Variants in TANC2 observed in about 807,000 individuals in gnomAD.
The protein encoded by TANC2 is tetratricopeptide repeat, ankyrin repeat and coiled-coil containing 2.
TANC2 carries 26 observed loss-of-function variants against 210.5 expected under a neutral mutation model. The ratio of observed to expected loss-of-function variants is 0.12; its 90% CI spans 0.09 to 0.17. TANC2 has a LOEUF of 0.17. Among genes scored for constraint, TANC2 ranks in the 10% least tolerant of loss-of-function variants. TANC2 has a pLI of 1.00. For missense variants in TANC2, 2,129 were observed against 2,608.9 expected (o/e 0.82, Z 4.01); for synonymous variants, 931 against 967.1 (o/e 0.96, Z 0.69).
intron 6 of TANC2, among the ~76,000 whole-genome samples, chr17:63,198,102 A>G (rs2041406216): frequency 6.6e-6 from 1 of 152,208 alleles, no homozygotes; most frequent in African/African-American, 2.4e-5. Flanking sequence ...ATATAATATG[A>G]TTTTCTTTCA....
In TANC2 at chr17:63,373,120, T is replaced by C. The variant is rs1215477829; in HGVS notation, c.2583-6598T>C. Among the ~76,000 whole-genome samples, 3 of 151,972 alleles carry C rather than the reference T, an allele frequency of 2.0e-5. No individual in the cohort carries two copies. The East Asian group carries it at 5.8e-4, about 29-fold the overall frequency. The stretch of plus-strand genomic sequence containing the variant: ...TATGGTATCCAGGCTGGTCTCAAAC[T>C]CCTGGACCCAAGCAATCCTCCTGCC... On this transcript the variant is annotated intron_variant, in intron 14 of 27. Transcript: ENST00000689528.
chr17:62,971,064 A>G, intron 1 of TANC2, among the ~76,000 whole-genome samples: 1 of 152,184 alleles, frequency 6.6e-6, no homozygotes, highest in South Asian at 2.1e-4. Context: ...AATATACTAT[A>G]CAAATAAATA....
chr17:63,214,253 A>G (rs1482351618), intron 7 of TANC2, among the ~76,000 whole-genome samples: 1 of 152,222 alleles, frequency 6.6e-6, no homozygotes, highest in Non-Finnish European at 1.5e-5. Flanking sequence ...TAGCATGCAC[A>G]TGAGGTAAGG....
At chr17:63,269,014 C>G (rs1390917913) in intron 9 of TANC2, among the ~76,000 whole-genome samples, 1 of 152,114 alleles carries the variant, frequency 6.6e-6, no homozygotes, top group Non-Finnish European at 1.5e-5. Flanking sequence ...CCTCTTCACC[C>G]CTTGTCCTAT....
intron 5 of TANC2, among the ~76,000 whole-genome samples, chr17:63,178,996 C>T (rs906030955): frequency 2.6e-5 from 4 of 152,172 alleles, no homozygotes; most frequent in Admixed American, 2.0e-4. Flanking sequence ...CCATCTCTGA[C>T]TGGAGAATTG....
At chr17:63,250,487 G>GT (rs1286101753) in intron 8 of TANC2, among the ~76,000 whole-genome samples, 1 of 151,994 alleles carries the variant, frequency 6.6e-6, no homozygotes, top group Non-Finnish European at 1.5e-5. Flanking sequence ...AGGTAGGAAC[G>GT]TATGTGTCCC....
At chr17:63,310,111 A>G (rs1403435278) in intron 9 of TANC2, among the ~76,000 whole-genome samples, 1 of 152,200 alleles carries the variant, frequency 6.6e-6, no homozygotes, top group Non-Finnish European at 1.5e-5. Context: ...AAAAAGACTG[A>G]CAAGTTTGGC....
At chr17:63,072,768 C>A (rs930694917) in intron 2 of TANC2, among the ~76,000 whole-genome samples, 34 of 151,916 alleles carry the variant, frequency 2.2e-4, no homozygotes, top group Admixed American at 2.2e-3. Flanking sequence ...ACTGTACTTG[C>A]TAGTTTAACA....
At chr17:63,002,064 G>A (rs1383992377) in intron 1 of TANC2, among the ~76,000 whole-genome samples, 1 of 152,174 alleles carries the variant, frequency 6.6e-6, no homozygotes, top group Non-Finnish European at 1.5e-5. Flanking sequence ...TATATAAGAT[G>A]TCTTTTGGAG....
At chr17:63,320,303 C>T (rs1198544217) in intron 11 of TANC2, 1 of 152,168 alleles carries the variant, frequency 6.6e-6, no homozygotes, top group African/African-American at 2.4e-5. Flanking sequence ...TTACAAGTTA[C>T]ATTTTTTACC....
chr17:63,177,922 T>C (rs1203544258), intron 5 of TANC2, among the ~76,000 whole-genome samples: 1 of 152,254 alleles, frequency 6.6e-6, no homozygotes, highest in Non-Finnish European at 1.5e-5. Flanking sequence ...GGTACTTCTA[T>C]GTCCCTATCC....
chr17:63,277,956 G>A (rs1013604753), intron 9 of TANC2, among the ~76,000 whole-genome samples: 1 of 152,128 alleles, frequency 6.6e-6, no homozygotes, highest in Non-Finnish European at 1.5e-5. Flanking sequence ...AGGATCACTT[G>A]AGGCTAGGAA....
intron 1 of TANC2, among the ~76,000 whole-genome samples, chr17:62,995,663 C>T (rs546743080): frequency 6.6e-6 from 1 of 152,302 alleles, no homozygotes; most frequent in South Asian, 2.1e-4. Flanking sequence ...GACTGTGGAA[C>T]CCATCATCAG....
intron 7 of TANC2, among the ~76,000 whole-genome samples, chr17:63,227,225 T>TAAAA (rs2042351966): frequency 6.6e-6 from 1 of 152,212 alleles, no homozygotes. Flanking sequence ...ACCAATAGTG[T>TAAAA]AAAAGTATTC....
chr17:63,343,005 A>G (rs918900191), intron 12 of TANC2, among the ~76,000 whole-genome samples: 7 of 152,176 alleles, frequency 4.6e-5, no homozygotes, highest in Admixed American at 2.0e-4. Context: ...TGGAAACACA[A>G]TTTTCCAGCT....
At chr17:63,161,408 G>A (rs1302404334) in intron 5 of TANC2, among the ~76,000 whole-genome samples, 1 of 152,032 alleles carries the variant, frequency 6.6e-6, no homozygotes, top group Non-Finnish European at 1.5e-5. Context: ...ACAGCTTTGT[G>A]TTTTTCCATT....
chr17:63,074,005 T>G (rs1337050229), exon 3 of TANC2: 1 of 1,574,524 alleles, frequency 6.4e-7, no homozygotes, highest in Non-Finnish European at 8.6e-7. Flanking sequence ...CCAAAGCCGC[T>G]CTGGGCAAGG....
At chr17:63,373,687 A>T (rs1033994390) in intron 14 of TANC2, among the ~76,000 whole-genome samples, 1 of 152,246 alleles carries the variant, frequency 6.6e-6, no homozygotes, top group African/African-American at 2.4e-5. Context: ...TCTAAAAATT[A>T]TTAAAGTATT....
intron 9 of TANC2, among the ~76,000 whole-genome samples, chr17:63,312,326 G>C (rs965356312): frequency 1.3e-5 from 2 of 152,180 alleles, no homozygotes; most frequent in Admixed American, 1.3e-4. Flanking sequence ...GTGCCCATCA[G>C]TGGTGGATAG....
Sources: gnomAD v4.1 joint callset for allele counts (sites outside exome capture counted in the v4.1 genomes callset) on GRCh38, gnomAD v4.1.1 for gene constraint, MANE v1.5 for transcripts, NCBI Gene and HGNC (gene_info 2026-07-23, HGNC 2026-07-21) for gene names.